Variants in FARS2 observed in about 807,000 individuals in gnomAD.
FARS2 encodes the protein phenylalanyl-tRNA synthetase 2, mitochondrial, also known as phenylalanine--tRNA ligase, mitochondrial.
FARS2 carries 40 observed loss-of-function variants against 46.4 expected under a neutral mutation model. The ratio of observed to expected loss-of-function variants is 0.86; its 90% CI spans 0.67 to 1.12. The LOEUF (loss-of-function observed/expected upper bound fraction) is 1.12, where lower values mean the gene tolerates loss of function less well. FARS2 is among the 50% of genes most tolerant of loss of function. The pLI is 0.00. For synonymous variants in FARS2, 234 were observed against 214.9 expected, an observed-to-expected ratio of 1.09 and a Z score of -0.78; for missense variants, 513 against 567.9, an observed-to-expected ratio of 0.90 and a Z score of 0.98.
intron 6 of FARS2, among the ~76,000 whole-genome samples, chr6:5,649,160 G>A (rs1268034662): frequency 6.6e-6 from 1 of 152,104 alleles, no homozygotes; most frequent in Non-Finnish European, 1.5e-5. Context: ...AATGAGTCTT[G>A]CAGAATTATG....
intron 4 of FARS2, chr6:5,431,855 G>GT (rs1763188552): frequency 3.2e-6 from 1 of 313,098 alleles, no homozygotes. Flanking sequence ...TCTGAATTGA[G>GT]TAATTTTTAA....
chr6:5,254,314 G>A, the FARS2 span, among the ~76,000 whole-genome samples: 2 of 152,156 alleles, frequency 1.3e-5, no homozygotes, highest in Non-Finnish European at 2.9e-5. Context: ...TTTTTGTAGG[G>A]AAAACGCTTC....
intron 1 of FARS2, among the ~76,000 whole-genome samples, chr6:5,285,672 C>G (rs1767056614): frequency 6.6e-6 from 1 of 152,272 alleles, no homozygotes; most frequent in African/African-American, 2.4e-5. Flanking sequence ...AGCTTTAGGG[C>G]AGGTAGAGAA....
intron 6 of FARS2, among the ~76,000 whole-genome samples, 182 bp downstream of exon 6, chr6:5,613,502 A>G (rs1235339655): frequency 6.6e-6 from 1 of 152,238 alleles, no homozygotes; most frequent in Non-Finnish European, 1.5e-5. Context: ...AAATCTTTCC[A>G]AGATGCATTT....
chr6:5,335,075 G>A (rs1771062767), intron 1 of FARS2, among the ~76,000 whole-genome samples: 2 of 152,204 alleles, frequency 1.3e-5, no homozygotes, highest in South Asian at 2.1e-4. Context: ...CTTCTAAGGT[G>A]TGTCACCATC....
At chr6:5,444,854 T>C (rs1324794148) in intron 4 of FARS2, among the ~76,000 whole-genome samples, 1 of 152,152 alleles carries the variant, frequency 6.6e-6, no homozygotes, top group Admixed American at 6.5e-5. Context: ...TCAGTACAAT[T>C]CCCAGTTTCC....
At chr6:5,744,379 G>T (rs1178649053) in intron 6 of FARS2, among the ~76,000 whole-genome samples, 1 of 152,230 alleles carries the variant, frequency 6.6e-6, no homozygotes, top group Non-Finnish European at 1.5e-5. Context: ...CCAACAGTAT[G>T]TTCGCATTGG....
At chr6:5,702,071 G>A (rs1662818430) in intron 6 of FARS2, among the ~76,000 whole-genome samples, 1 of 152,084 alleles carries the variant, frequency 6.6e-6, no homozygotes, top group Non-Finnish European at 1.5e-5. Flanking sequence ...CTGCTTTATT[G>A]TACTGCTGTT....
chr6:5,591,572 C>A (rs1313570821), intron 5 of FARS2, among the ~76,000 whole-genome samples: 1 of 152,218 alleles, frequency 6.6e-6, no homozygotes, highest in Non-Finnish European at 1.5e-5. Context: ...GTTTCACATT[C>A]GACATAAAAC....
chr6:5,507,356 G>A (rs1313352337), intron 4 of FARS2, among the ~76,000 whole-genome samples: 4 of 148,028 alleles, frequency 2.7e-5, no homozygotes, highest in Admixed American at 1.4e-4. Context: ...TTCTACATAC[G>A]TTTTACTTGT....
chr6:5,652,547 T>C (rs7450112), intron 6 of FARS2, among the ~76,000 whole-genome samples: 47,847 of 152,020 alleles, frequency 0.31, 8,202 homozygotes, highest in East Asian at 0.59. Flanking sequence ...GAAGGCCCAG[T>C]GCGGCGCAGC....
At chr6:5,598,305 C>A (rs1171996727) in intron 5 of FARS2, among the ~76,000 whole-genome samples, 2 of 152,128 alleles carry the variant, frequency 1.3e-5, no homozygotes, top group African/African-American at 2.4e-5. Flanking sequence ...ATCACTTGAG[C>A]CCAGCAGGTC....
At chr6:5,380,727 T>G (rs1426714173) in intron 2 of FARS2, among the ~76,000 whole-genome samples, 2 of 152,220 alleles carry the variant, frequency 1.3e-5, no homozygotes, top group Non-Finnish European at 2.9e-5. Context: ...CTGGGTACTT[T>G]CATTGTCTTC....
chr6:5,438,436 T>A (rs1014627940), intron 4 of FARS2, among the ~76,000 whole-genome samples: 2 of 151,940 alleles, frequency 1.3e-5, no homozygotes, highest in Non-Finnish European at 2.9e-5. Flanking sequence ...TCCATCTTCA[T>A]GTTAATTGAT....
chr6:5,636,235 G>A (rs530684646), intron 6 of FARS2, among the ~76,000 whole-genome samples: 5 of 152,276 alleles, frequency 3.3e-5, no homozygotes, highest in South Asian at 2.1e-4. Context: ...AGGAAAAATC[G>A]CTGTGAAGTT....
intron 6 of FARS2, among the ~76,000 whole-genome samples, chr6:5,686,661 A>G (rs1268067148): frequency 1.2e-4 from 18 of 152,368 alleles, no homozygotes; most frequent in Non-Finnish European, 2.5e-4. Flanking sequence ...CACAATAAAC[A>G]TACATGTGCA....
At chr6:5,629,830 C>A (rs1315517861) in intron 6 of FARS2, among the ~76,000 whole-genome samples, 1 of 151,886 alleles carries the variant, frequency 6.6e-6, no homozygotes, top group Non-Finnish European at 1.5e-5. Context: ...GACAGGAGCT[C>A]AAATCTATGG....
chr6:5,376,263 A>G (rs1255067200), intron 2 of FARS2, among the ~76,000 whole-genome samples: 1 of 152,244 alleles, frequency 6.6e-6, no homozygotes, highest in Non-Finnish European at 1.5e-5. Flanking sequence ...TTGTGTAAGA[A>G]GAAGGCACAT....
chr6:5,361,047 T>C (rs73367054), intron 1 of FARS2, among the ~76,000 whole-genome samples: 7,067 of 152,272 alleles, frequency 0.046, 170 homozygotes, highest in Middle Eastern at 0.14. Flanking sequence ...GAAATATAAA[T>C]ACATAAAATA....
Sources: gnomAD v4.1 joint callset for allele counts (sites outside exome capture counted in the v4.1 genomes callset) on GRCh38, gnomAD v4.1.1 for gene constraint, MANE v1.5 for transcripts, NCBI Gene and HGNC (gene_info 2026-07-23, HGNC 2026-07-21) for gene names.